The following INTS10 variants were observed in gnomAD, a reference collection of about 807,000 sequenced individuals.
INTS10 encodes the protein chromosome 8 open reading frame 35.
Under a neutral mutation model 94.4 loss-of-function variants are expected in INTS10, and 44 were observed. The ratio of observed to expected loss-of-function variants is 0.47; its 90% CI spans 0.37 to 0.60. The LOEUF is 0.60. Among genes scored for constraint, INTS10 ranks in the 20% least tolerant of loss-of-function variants. INTS10 has a pLI of 0.00. For synonymous variants in INTS10, 341 were observed against 320.7 expected (o/e 1.06, Z -0.68); for missense variants, 797 against 868.7 (o/e 0.92, Z 1.04).
At chr8:19,831,259 CTT>C (rs1344210104) in intron 10 of INTS10, among the ~76,000 whole-genome samples, 1 of 152,184 alleles carries the variant, frequency 6.6e-6, no homozygotes, top group Admixed American at 6.5e-5. Context: ...TTCAGTTTCT[CTT>C]TGTTACATTT....
intron 13 of INTS10, among the ~76,000 whole-genome samples, 174 bp from the exon 14 acceptor site, chr8:19,842,674 A>G (rs2068222495): frequency 6.6e-6 from 1 of 152,264 alleles, no homozygotes; most frequent in African/African-American, 2.4e-5. Flanking sequence ...GACCATCAAA[A>G]GCCAATTTCA....
chr8:19,818,022 C>G (rs2066071274), intron 1 of INTS10, among the ~76,000 whole-genome samples: 1 of 152,160 alleles, frequency 6.6e-6, no homozygotes, highest in South Asian at 2.1e-4. Context: ...ATCATAATGG[C>G]AGCAGTTTGT....
chr8:19,818,432 T>A, intron 2 of INTS10, 90 bp downstream of exon 2: 1 of 1,315,536 alleles, frequency 7.6e-7, no homozygotes, highest in East Asian at 2.3e-5. Flanking sequence ...TGGGGGAAGA[T>A]CTTCAAGTTC....
intron 15 of INTS10, among the ~76,000 whole-genome samples, chr8:19,844,534 G>T (rs756913821): frequency 6.6e-6 from 1 of 152,202 alleles, no homozygotes; most frequent in Non-Finnish European, 1.5e-5. Context: ...GATAGGTCCA[G>T]CTTGCCCGGT....
Position 19,824,946 on chromosome 8 carries a change from A to G in INTS10, c.980A>G (p.Asn327Ser). The change falls in exon 8 of 17, where the codon AAC (asparagine) becomes AGC (serine). Residue 327 changes from asparagine (N) to serine (S), a missense_variant. Asn to Ser is a conservative substitution (Grantham distance 46). Transcript: ENST00000397977. ...TTTAAGAATGCATTCCAGTATGTCA[A>G]CAGCATACAGCCATCTCTCTTCCAA... Reference protein sequence around the residue: ...VFFKNAFQYVNSIQPSLFQGP... With the variant: ...VFFKNAFQYVSSIQPSLFQGP... 3 of 1,613,994 alleles carry G rather than the reference A, an allele frequency of 1.9e-6. No homozygotes were observed. Among genetic ancestry groups the G allele is most frequent in the Non-Finnish European group, 8.5e-7 (1 of 1,179,954 alleles).
At chr8:19,845,527 G>A in intron 15 of INTS10, 177 bp from the exon 16 acceptor site, 1 of 601,586 alleles carries the variant, frequency 1.7e-6, no homozygotes, top group Admixed American at 2.9e-5. Context: ...GCAGTTAGTG[G>A]GGTAGCAATG....
Position 19,818,332 on chromosome 8 carries a change from C to T in INTS10, c.187C>T (p.Leu63=). 3.1e-6 allele frequency: 5 copies of T among 1,614,144 alleles called. No individual in the cohort carries two copies. Among genetic ancestry groups the T allele is most frequent in the Non-Finnish European group, 4.2e-6 (5 of 1,180,014 alleles). The change falls in exon 2 of 17, where the codon CTG becomes TTG. Residue 63 remains leucine (L), a synonymous_variant. Coordinates refer to ENST00000397977, the MANE Select transcript of INTS10 (RefSeq NM_018142.4). ...AERTATAGRL[L]YDMFVNFPDQ... ...GCGGACCGCCACCGCCGGGAGGCTG[C>T]TGTACGACATGTGAGTGGGACGCTT...
At position 19,829,530 on chromosome 8, in the gene INTS10, G is replaced by C. The variant is rs1317186391; in HGVS notation, c.1141-876G>C. Among the ~76,000 whole-genome samples the C allele has an allele frequency of 2.6e-5, 4 of 152,204 alleles. No homozygotes were observed. The South Asian group carries it at 8.3e-4, about 32-fold the overall frequency. ...CAGAGGGCTTTACTAGGTAAGTGCA[G>C]ACAAATGTACTTTCTGACCAGGACC... On this transcript the variant is annotated intron_variant, in intron 9 of 16. Coordinates refer to ENST00000397977, the MANE Select transcript of INTS10 (RefSeq NM_018142.4).
intron 9 of INTS10, among the ~76,000 whole-genome samples, chr8:19,829,054 T>C (rs1458308110): frequency 6.6e-6 from 1 of 152,216 alleles, no homozygotes; most frequent in Non-Finnish European, 1.5e-5. Context: ...CTGCGCACCT[T>C]ACCTGAGATG....
At chr8:19,820,715 G>T (rs2066303971) in intron 4 of INTS10, among the ~76,000 whole-genome samples, 197 bp downstream of exon 4, 1 of 152,170 alleles carries the variant, frequency 6.6e-6, no homozygotes, top group Non-Finnish European at 1.5e-5. Context: ...AGGAGAAGCT[G>T]TTTTATCAGG....
At position 19,846,267 on chromosome 8, in the gene INTS10, C is replaced by CAA. The variant is rs565675578; in HGVS notation, c.1976+485_1976+486dup. ...TGAAACCCCGTCTCTACTAAAAATA[C>CAA]AAAAAAAAAAAAAAAATTATGTGGG... is the stretch of plus-strand genomic sequence containing the variant. On this transcript the variant is annotated intron_variant, in intron 16 of 16. Transcript: ENST00000397977. This position sits in a 1 kb window ranked among gnomAD's most constrained non-coding sequence, Gnocchi z 4.2. 8.5e-5 allele frequency among the ~76,000 whole-genome samples: 9 copies of CAA among 105,910 alleles called. No individual in the cohort carries two copies. Among genetic ancestry groups the CAA allele is most frequent in the African/African-American group, 1.0e-4 (3 of 28,956 alleles). The allele number at this position is 105,910 out of a possible 152,430, so 69.5% of individuals were successfully genotyped here. A position where few individuals can be genotyped will look rare whatever the true frequency, so the allele number is the denominator to read the frequency against.
chr8:19,848,316 C>T (rs1295178798), intron 16 of INTS10, among the ~76,000 whole-genome samples: 2 of 152,148 alleles, frequency 1.3e-5, no homozygotes, highest in Non-Finnish European at 2.9e-5. Flanking sequence ...ATCTGGGATG[C>T]AAGCAGGTAC....
At chr8:19,850,947 G>A (rs1213610931) in intron 16 of INTS10, among the ~76,000 whole-genome samples, 2 of 152,042 alleles carry the variant, frequency 1.3e-5, no homozygotes, top group Non-Finnish European at 1.5e-5. Flanking sequence ...CCCAGACAGC[G>A]CAGGACCACG....
intron 13 of INTS10, chr8:19,842,019 T>C (rs1207026854): frequency 8.1e-6 from 2 of 245,856 alleles, no homozygotes; most frequent in Non-Finnish European, 1.6e-5. Context: ...TGCCTCTGAG[T>C]AGAGAAAGAT....
chr8:19,842,843 G>T lies in INTS10; in HGVS notation c.1640-5G>T, dbSNP rs1276172969. 1.9e-6 allele frequency: 3 copies of T among 1,605,244 alleles called. No homozygotes were observed. Among genetic ancestry groups the T allele is most frequent in the Non-Finnish European group, 2.6e-6 (3 of 1,172,288 alleles). ...CATTAACCTAACATTGTGGACTTCT[G>T]TTAGGTTCGGATCTGAAGCTCCTGC... On this transcript the variant is annotated splice_polypyrimidine_tract_variant and splice_region_variant and intron_variant, in intron 13 of 16. Coordinates refer to ENST00000397977, the MANE Select transcript of INTS10 (RefSeq NM_018142.4).
In INTS10 at chr8:19,850,875, A is replaced by G. The variant is rs187111370; in HGVS notation, c.1977-774A>G. Among the ~76,000 whole-genome samples, 53 of 152,220 alleles carry G rather than the reference A, an allele frequency of 3.5e-4. 1 individual carries two copies. The highest frequency in any genetic ancestry group is 3.4e-3 in the Admixed American group (52 of 15,280). ...AAGCACAACCTTTGGGGTGTAGTTA[A>G]GAGACATTTTTCCCTGTGTCCCCAC... On this transcript the variant is annotated intron_variant, in intron 16 of 16. Transcript: ENST00000397977.
chr8:19,822,423 T>C lies in INTS10; in HGVS notation c.442-16T>C, dbSNP rs1276085626. 3 of 1,536,116 alleles carry C rather than the reference T, an allele frequency of 2.0e-6. No homozygotes were observed. Among genetic ancestry groups the C allele is most frequent in the Non-Finnish European group, 2.7e-6 (3 of 1,111,450 alleles). ...TGCTGTAACACATTTAAATGAGTAA[T>C]TTTGTTTTGAAATAGGTTGGCCTTG... On this transcript the variant is annotated splice_polypyrimidine_tract_variant and intron_variant, in intron 4 of 16. Coordinates refer to ENST00000397977, the MANE Select transcript of INTS10 (RefSeq NM_018142.4).
intron 13 of INTS10, among the ~76,000 whole-genome samples, chr8:19,842,411 G>A (rs557506914): frequency 3.3e-5 from 5 of 152,172 alleles, no homozygotes; most frequent in Non-Finnish European, 7.4e-5. Flanking sequence ...GACAACCACT[G>A]CCTTCAGAAT....
At position 19,817,500 on chromosome 8, in the gene INTS10, C is replaced by A; in HGVS notation, c.-38C>A. The A allele has an allele frequency of 1.9e-6, 3 of 1,591,676 alleles. No individual in the cohort carries two copies. The highest frequency in any genetic ancestry group is 2.6e-6 in the Non-Finnish European group (3 of 1,171,368). On this transcript the variant is annotated 5_prime_UTR_variant, in exon 1 of 17. Transcript: ENST00000397977. ...GCTGAGAGTCCAGAGCCGGACGTTC[C>A]GGCCGCTTCGGGCTGGCGGCTGGAG...
Sources: allele counts gnomAD v4.1 joint callset (sites outside exome capture counted in the v4.1 genomes callset), GRCh38; gene constraint gnomAD v4.1.1; non-coding constraint Gnocchi (gnomAD v3.1); transcripts MANE v1.5; gene names NCBI Gene and HGNC (gene_info 2026-07-23, HGNC 2026-07-21).